The following DACH1 variants were observed in gnomAD, a reference collection of about 807,000 sequenced individuals.
DACH1 encodes dachshund family transcription factor 1, also known as dachshund homolog 1.
A neutral mutation model predicts 54.2 loss-of-function variants in DACH1; 12 were observed. The ratio of observed to expected loss-of-function variants is 0.22; its 90% CI spans 0.14 to 0.36. DACH1 has a LOEUF of 0.36. Ranked by LOEUF, DACH1 falls within the 10% of genes least tolerant of loss-of-function variation. The probability of loss-of-function intolerance (pLI) is 1.00; values close to 1 mark genes in which losing one functional copy is unlikely to be tolerated. For missense variants in DACH1, 805 were observed against 929.8 expected (o/e 0.87, Z 1.75); for synonymous variants, 386 against 366.2 (o/e 1.05, Z -0.62).
intron 1 of DACH1, among the ~76,000 whole-genome samples, chr13:71,787,415 C>T: frequency 1.3e-5 from 2 of 152,264 alleles, no homozygotes; most frequent in Admixed American, 1.3e-4. Context: ...TTTTTTACAT[C>T]TTTAGTTACA....
chr13:71,566,224 C>T (rs927285408), intron 4 of DACH1, among the ~76,000 whole-genome samples: 1 of 152,162 alleles, frequency 6.6e-6, no homozygotes, highest in East Asian at 1.9e-4. Context: ...TCTAATTCAT[C>T]CCAATGTTCC....
intron 1 of DACH1, among the ~76,000 whole-genome samples, chr13:71,860,186 C>T (rs905800336): frequency 1.3e-5 from 2 of 150,920 alleles, no homozygotes; most frequent in Admixed American, 6.6e-5. Context: ...TATTAATATA[C>T]TACATATAAT....
At chr13:71,559,782 A>C (rs201492130) in intron 5 of DACH1, 38 bp downstream of exon 5, 201 of 1,613,098 alleles carry the variant, frequency 1.2e-4, no homozygotes, top group Non-Finnish European at 1.6e-4. Context: ...AACCCTAATA[A>C]AGTTTAAAAT....
chr13:71,640,227 G>A (rs1877797423), intron 2 of DACH1, among the ~76,000 whole-genome samples: 1 of 152,026 alleles, frequency 6.6e-6, no homozygotes, highest in African/African-American at 2.4e-5. Flanking sequence ...CTTATGGATT[G>A]TATAGAAAGT....
At chr13:71,828,586 A>G (rs1888469221) in intron 1 of DACH1, among the ~76,000 whole-genome samples, 1 of 152,028 alleles carries the variant, frequency 6.6e-6, no homozygotes, top group Admixed American at 6.6e-5. Context: ...CGTAAGCATA[A>G]TGTGCCATCT....
chr13:71,769,715 A>G (rs1213805412), intron 1 of DACH1, among the ~76,000 whole-genome samples: 1 of 151,736 alleles, frequency 6.6e-6, no homozygotes, highest in African/African-American at 2.4e-5. Flanking sequence ...CAGTTCTCAC[A>G]GCATTCGTTA....
intron 1 of DACH1, among the ~76,000 whole-genome samples, chr13:71,801,775 G>T (rs1887298028): frequency 6.6e-6 from 1 of 151,452 alleles, no homozygotes; most frequent in South Asian, 2.1e-4. Flanking sequence ...CACCCTTCAG[G>T]GTAAGGAGTT....
At chr13:71,607,466 A>G (rs1874959302) in intron 3 of DACH1, among the ~76,000 whole-genome samples, 1 of 152,036 alleles carries the variant, frequency 6.6e-6, no homozygotes, top group African/African-American at 2.4e-5. Context: ...TCGCTGTTAC[A>G]TGGAAAAAAG....
intron 1 of DACH1, among the ~76,000 whole-genome samples, chr13:71,758,852 A>C (rs1013894319): frequency 6.6e-6 from 1 of 152,176 alleles, no homozygotes; most frequent in African/African-American, 2.4e-5. Context: ...GCCTGCTTTG[A>C]AGAAAGTTAT....
intron 2 of DACH1, among the ~76,000 whole-genome samples, chr13:71,676,251 T>C (rs1477717525): frequency 6.6e-6 from 1 of 152,144 alleles, no homozygotes; most frequent in Non-Finnish European, 1.5e-5. Flanking sequence ...GGAGTGTTGT[T>C]CTCTTGTCCA....
chr13:71,730,395 GC>G (rs1311717970), intron 1 of DACH1, among the ~76,000 whole-genome samples: 9 of 152,174 alleles, frequency 5.9e-5, no homozygotes, highest in African/African-American at 2.2e-4. Flanking sequence ...GTACAGAGAA[GC>G]AATAAAAAGT....
chr13:71,453,767 T>C (rs1209515139), intron 10 of DACH1, among the ~76,000 whole-genome samples: 2 of 152,198 alleles, frequency 1.3e-5, no homozygotes, highest in African/African-American at 2.4e-5. Flanking sequence ...GCTGAGATTC[T>C]GACAGTGTTC....
At position 71,572,756 on chromosome 13, in the gene DACH1, T is replaced by G. The variant is rs1034229497; in HGVS notation, c.1299+84A>C. The G allele has an allele frequency of 2.1e-6, 3 of 1,408,700 alleles. No individual in the cohort carries two copies. The African/African-American group carries it at 4.4e-5, about 20-fold the overall frequency. 87.3% of individuals were successfully genotyped at this position (1,408,700 alleles called of 1,614,324 possible). A position where few individuals can be genotyped will look rare whatever the true frequency, so the allele number is the denominator to read the frequency against. ...ATCACTTAGCTTTTTAGAGTTCAGATGTACTTATGGAATAAGAAAAATGGA... is the reference window on the plus strand; with the variant it reads ...ATCACTTAGCTTTTTAGAGTTCAGAGGTACTTATGGAATAAGAAAAATGGA... On this transcript the variant is annotated intron_variant, in intron 4 of 10. Transcript: ENST00000613252.
intron 1 of DACH1, among the ~76,000 whole-genome samples, chr13:71,814,053 C>T (rs1000895412): frequency 6.6e-6 from 1 of 152,140 alleles, no homozygotes; most frequent in African/African-American, 2.4e-5. Context: ...GATTATGAGC[C>T]TGTCAACAAA....
intron 6 of DACH1, among the ~76,000 whole-genome samples, chr13:71,491,401 C>T (rs891745585): frequency 6.6e-6 from 1 of 152,046 alleles, no homozygotes; most frequent in Non-Finnish European, 1.5e-5. Flanking sequence ...TGCGTGCATG[C>T]CTGTAAGCAC....
chr13:71,802,193 T>C (rs532846136), intron 1 of DACH1, among the ~76,000 whole-genome samples: 1 of 152,212 alleles, frequency 6.6e-6, no homozygotes, highest in African/African-American at 2.4e-5. Flanking sequence ...TTTTAATCCT[T>C]TCAGATTGTC....
At chr13:71,592,300 C>G (rs1340002159) in intron 3 of DACH1, among the ~76,000 whole-genome samples, 2 of 151,252 alleles carry the variant, frequency 1.3e-5, no homozygotes, top group Non-Finnish European at 3.0e-5. Context: ...TCACCTAAGC[C>G]CAGGAGTTCA....
intron 1 of DACH1, among the ~76,000 whole-genome samples, chr13:71,807,478 T>G (rs1001649470): frequency 6.6e-6 from 1 of 150,480 alleles, no homozygotes; most frequent in Non-Finnish European, 1.5e-5. Context: ...TATTTGCCAT[T>G]AACAACTGGG....
intron 1 of DACH1, among the ~76,000 whole-genome samples, chr13:71,755,878 A>G: frequency 6.6e-6 from 1 of 152,164 alleles, no homozygotes; most frequent in Non-Finnish European, 1.5e-5. Flanking sequence ...ATGATACTAT[A>G]CCAAAATAAT....
Sources: allele counts gnomAD v4.1 joint callset (sites outside exome capture counted in the v4.1 genomes callset), GRCh38; gene constraint gnomAD v4.1.1; transcripts MANE v1.5; gene names NCBI Gene and HGNC (gene_info 2026-07-23, HGNC 2026-07-21).